Variants in ACTR3C observed in about 807,000 individuals in gnomAD.
The protein encoded by ACTR3C is actin-related protein 3C.
A neutral mutation model predicts 26.3 loss-of-function variants in ACTR3C; 18 were observed. The ratio of observed to expected loss-of-function variants is 0.68; its 90% CI spans 0.47 to 1.01. The LOEUF (loss-of-function observed/expected upper bound fraction) is 1.01. Ranked by LOEUF, ACTR3C falls within the 50% of genes least tolerant of loss-of-function variation. The probability of loss-of-function intolerance (pLI) is 0.00; values close to 1 mark genes in which losing one functional copy is unlikely to be tolerated. For missense variants in ACTR3C, 184 were observed against 250.7 expected (o/e 0.73, Z 1.80); for synonymous variants, 55 against 94.5 (o/e 0.58, Z 2.42).
At chr7:149,949,243 G>A in the ACTR3C span, among the ~76,000 whole-genome samples, 1 of 146,400 alleles carries the variant, frequency 6.8e-6, no homozygotes, top group Non-Finnish European at 1.5e-5. Context: ...GGGTATAGTG[G>A]TGGATGCCTG....
At chr7:150,112,918 T>C in the ACTR3C span, among the ~76,000 whole-genome samples, 1 of 152,182 alleles carries the variant, frequency 6.6e-6, no homozygotes, top group East Asian at 1.9e-4. Context: ...CCCATGTATT[T>C]ATGCTGCTGC....
At chr7:150,086,624 T>TA in the ACTR3C span, among the ~76,000 whole-genome samples, 3 of 152,156 alleles carry the variant, frequency 2.0e-5, no homozygotes, top group Admixed American at 6.5e-5. Flanking sequence ...AAAGCTGCAC[T>TA]AGCCAGGGCA....
intron 1 of ACTR3C, among the ~76,000 whole-genome samples, chr7:150,314,210 C>G (rs77055976): frequency 0.023 from 3,577 of 152,308 alleles, 78 homozygotes; most frequent in Non-Finnish European, 0.036. Flanking sequence ...CCGAAGGGAT[C>G]TGGGATCAGT....
chr7:150,034,909 CA>C, the ACTR3C span, among the ~76,000 whole-genome samples: 350 of 136,956 alleles, frequency 2.6e-3, 1 homozygote, highest in Admixed American at 3.1e-3. Context: ...GTGCCTCCCC[CA>C]CCCTGCGATG....
chr7:150,250,051 G>A (rs1364554973), intron 6 of ACTR3C, among the ~76,000 whole-genome samples: 5 of 152,202 alleles, frequency 3.3e-5, no homozygotes, highest in East Asian at 3.9e-4. Flanking sequence ...GCCCTGGAGC[G>A]GATGAGGGGT....
chr7:149,975,474 C>G, the ACTR3C span, among the ~76,000 whole-genome samples: 1 of 152,038 alleles, frequency 6.6e-6, no homozygotes, highest in Non-Finnish European at 1.5e-5. Flanking sequence ...AATCCACAAA[C>G]TACACTCTGC....
chr7:149,995,798 G>A, the ACTR3C span, among the ~76,000 whole-genome samples: 1 of 152,404 alleles, frequency 6.6e-6, no homozygotes, highest in South Asian at 2.1e-4. Flanking sequence ...GCTCCGTGAG[G>A]GGCACCGTTG....
the ACTR3C span, among the ~76,000 whole-genome samples, chr7:150,111,716 C>T: frequency 7.5e-6 from 1 of 133,432 alleles, no homozygotes; most frequent in East Asian, 2.2e-4. Flanking sequence ...AGCCCCGCCA[C>T]CCCAGCAGCA....
At chr7:150,150,414 G>A in the ACTR3C span, among the ~76,000 whole-genome samples, 1 of 152,132 alleles carries the variant, frequency 6.6e-6, no homozygotes, top group Non-Finnish European at 1.5e-5. Flanking sequence ...GGCTTGGTAA[G>A]AGTTGCCTTG....
downstream of ACTR3C, among the ~76,000 whole-genome samples, chr7:150,239,532 C>CTATATATA (rs1339201217): frequency 1.2e-4 from 15 of 121,228 alleles, no homozygotes; most frequent in African/African-American, 1.5e-4. Context: ...CTCTCTCTCT[C>CTATATATA]TCTCTCTCTA....
At chr7:150,183,375 C>T in the ACTR3C span, among the ~76,000 whole-genome samples, 1 of 149,160 alleles carries the variant, frequency 6.7e-6, no homozygotes, top group African/African-American at 2.6e-5. Context: ...CTGTCTACTT[C>T]GATAAACATC....
the ACTR3C span, among the ~76,000 whole-genome samples, chr7:150,003,715 T>TGGCTG: frequency 6.6e-6 from 1 of 152,022 alleles, no homozygotes; most frequent in Non-Finnish European, 1.5e-5. Context: ...GTATGTGTGG[T>TGGCTG]GTCTGGTGTG....
the ACTR3C span, among the ~76,000 whole-genome samples, chr7:150,114,698 G>A: frequency 2.6e-5 from 4 of 152,236 alleles, no homozygotes; most frequent in Non-Finnish European, 5.9e-5. Flanking sequence ...ATGTAGGTCA[G>A]ACATCAGAAT....
At chr7:149,885,946 C>G in the ACTR3C span, among the ~76,000 whole-genome samples, 2 of 152,222 alleles carry the variant, frequency 1.3e-5, no homozygotes, top group Non-Finnish European at 2.9e-5. Context: ...CAAATTCCAG[C>G]TCTGATGATG....
At chr7:149,957,560 CTG>C in the ACTR3C span, among the ~76,000 whole-genome samples, 5 of 152,354 alleles carry the variant, frequency 3.3e-5, no homozygotes, top group African/African-American at 1.2e-4. Context: ...CTTTTGGACT[CTG>C]AGACTTGCAC....
At chr7:150,305,369 TG>T (rs1286654518) in intron 1 of ACTR3C, among the ~76,000 whole-genome samples, 1 of 152,140 alleles carries the variant, frequency 6.6e-6, no homozygotes, top group Non-Finnish European at 1.5e-5. Context: ...TCACCTCACA[TG>T]GGGTCATCTT....
chr7:149,926,641 C>T, the ACTR3C span, among the ~76,000 whole-genome samples: 14 of 152,186 alleles, frequency 9.2e-5, no homozygotes, highest in South Asian at 2.1e-4. Flanking sequence ...GGTGAGGACT[C>T]GGGAAGCTTG....
At chr7:150,051,568 G>GGTCA in the ACTR3C span, among the ~76,000 whole-genome samples, 1 of 88,526 alleles carries the variant, frequency 1.1e-5, no homozygotes, top group Non-Finnish European at 2.5e-5. Context: ...CTACTTATTG[G>GGTCA]GTGTGAGAAA....
At chr7:150,210,211 T>G in the ACTR3C span, among the ~76,000 whole-genome samples, 136 of 150,404 alleles carry the variant, frequency 9.0e-4, 1 homozygote, top group Middle Eastern at 3.4e-3. Context: ...TATTGAAGAC[T>G]GATTATCTTG....
Sources: allele counts gnomAD v4.1 joint callset (sites outside exome capture counted in the v4.1 genomes callset), GRCh38; gene constraint gnomAD v4.1.1; transcripts MANE v1.5; gene names NCBI Gene and HGNC (gene_info 2026-07-23, HGNC 2026-07-21).